EPB41L4B: variants seen among roughly 807,000 people sequenced by gnomAD.
EPB41L4B encodes erythrocyte membrane protein band 4.1 like 4B.
In EPB41L4B, 30 loss-of-function variants were observed where a neutral mutation model predicts 112.5. That is an observed-to-expected ratio of 0.27 (90% CI 0.20 to 0.36). The LOEUF is 0.36. Ranked by LOEUF, EPB41L4B falls within the 10% of genes least tolerant of loss-of-function variation. The pLI, the probability that EPB41L4B is intolerant of heterozygous loss-of-function variation, is 1.00. For missense variants in EPB41L4B, 1,024 were observed against 1,133.3 expected (o/e 0.90, Z 1.38); for synonymous variants, 408 against 439.7 (o/e 0.93, Z 0.90).
At position 109,220,618 on chromosome 9, in the gene EPB41L4B, G is replaced by A. The variant is rs115699660; in HGVS notation, c.1410-3473C>T. Among the ~76,000 whole-genome samples, 404 of 152,302 alleles carry A rather than the reference G, an allele frequency of 2.7e-3. 3 individuals carry two copies. The highest frequency in any genetic ancestry group is 8.8e-3 in the African/African-American group (366 of 41,578). On this transcript the variant is annotated intron_variant, in intron 15 of 25. Transcript: ENST00000374566. ...AGGAGGTGTCATTGAGGACTGTGTT[G>A]CAGATGCAGGAGACAGTCCAGAAGA...
intron 1 of EPB41L4B, among the ~76,000 whole-genome samples, chr9:109,298,858 T>C (rs1355753803): frequency 6.6e-6 from 1 of 152,166 alleles, no homozygotes; most frequent in African/African-American, 2.4e-5. Context: ...GTCCCAGGTA[T>C]TGTCCAAAAG....
Position 109,321,049 on chromosome 9 carries a change from C to A in EPB41L4B, c.-603G>T. The A allele has an allele frequency of 5.4e-6, 1 of 186,204 alleles. No individual in the cohort carries two copies. Among genetic ancestry groups the A allele is most frequent in the Non-Finnish European group, 1.1e-5 (1 of 92,164 alleles). 11.5% of individuals were successfully genotyped at this position (186,204 alleles called of 1,614,324 possible). ...GCCGCCGCCGCTGCCGCCGGGACTG[C>A]AGCACGCCCTCCTCCCTCGGGGCTG... On this transcript the variant is annotated 5_prime_UTR_variant, in exon 1 of 26. Coordinates refer to ENST00000374566, the MANE Select transcript of EPB41L4B (RefSeq NM_019114.5).
chr9:109,201,466 GA>G lies in EPB41L4B; in HGVS notation c.1947-1133del, dbSNP rs1035267642. Among the ~76,000 whole-genome samples, 5 of 143,208 alleles carry G rather than the reference GA, an allele frequency of 3.5e-5. No individual in the cohort carries two copies. The East Asian group carries it at 8.1e-4, about 23-fold the overall frequency. 94.0% of individuals were successfully genotyped at this position (143,208 alleles called of 152,430 possible). On this transcript the variant is annotated intron_variant, in intron 19 of 25. Coordinates refer to ENST00000374566, the MANE Select transcript of EPB41L4B (RefSeq NM_019114.5). ...CCCTGTCTCAAAAAAAAAAAAAAAAGAAAAAAAAAGTATGTTGAATAAACAC... is the reference window on the plus strand; with the variant it reads ...CCCTGTCTCAAAAAAAAAAAAAAAAGAAAAAAAAGTATGTTGAATAAACAC...
intron 18 of EPB41L4B, among the ~76,000 whole-genome samples, chr9:109,206,880 C>T (rs1050144785): frequency 2.6e-5 from 4 of 152,246 alleles, no homozygotes; most frequent in Admixed American, 6.5e-5. Context: ...CCTGCTCCTG[C>T]GAGTCACCCC....
chr9:109,309,654 C>T (rs542341391), intron 1 of EPB41L4B, among the ~76,000 whole-genome samples: 1 of 152,098 alleles, frequency 6.6e-6, no homozygotes, highest in Non-Finnish European at 1.5e-5. Context: ...AATGCCAGCA[C>T]TTTGGGAGGC....
intron 1 of EPB41L4B, among the ~76,000 whole-genome samples, chr9:109,298,159 G>A (rs1466042265): frequency 6.6e-6 from 1 of 152,118 alleles, no homozygotes; most frequent in African/African-American, 2.4e-5. Flanking sequence ...CTTAGGCTTG[G>A]ATTTATACAG....
At chr9:109,262,033 T>C (rs917963045) in intron 6 of EPB41L4B, among the ~76,000 whole-genome samples, 2 of 152,216 alleles carry the variant, frequency 1.3e-5, no homozygotes, top group African/African-American at 4.8e-5. Flanking sequence ...TAGTATTCTC[T>C]TAATTAGTGC....
At chr9:109,207,352 T>G (rs1013732218) in intron 18 of EPB41L4B, among the ~76,000 whole-genome samples, 1 of 152,062 alleles carries the variant, frequency 6.6e-6, no homozygotes, top group Non-Finnish European at 1.5e-5. Flanking sequence ...CGAGGATTGC[T>G]TGAGTCCAGG....
At position 109,182,934 on chromosome 9, in the gene EPB41L4B, C is replaced by A. The variant is rs1231557631; in HGVS notation, c.2419-137G>T. ...AGAGCCTTCATCACTCGTGTAAGGG[C>A]ACATACAAAGGGTCCCTCAGGAGTG... On this transcript the variant is annotated intron_variant, in intron 23 of 25. Transcript: ENST00000374566. 24 of 655,850 alleles carry A rather than the reference C, an allele frequency of 3.7e-5. No individual in the cohort carries two copies. The East Asian group carries it at 6.0e-4, about 16-fold the overall frequency. 40.6% of individuals were successfully genotyped at this position (655,850 alleles called of 1,614,324 possible). A position where few individuals can be genotyped will look rare whatever the true frequency, so the allele number is the denominator to read the frequency against.
intron 1 of EPB41L4B, among the ~76,000 whole-genome samples, chr9:109,286,205 ATGGATGGATGGATGGG>A (rs1381647104): frequency 1.1e-4 from 16 of 148,648 alleles, no homozygotes; most frequent in African/African-American, 4.1e-4. Context: ...GGATGGATGG[ATGGATGGATGGATGGG>A]TGGATGGATG....
intron 15 of EPB41L4B, among the ~76,000 whole-genome samples, chr9:109,233,783 C>T (rs968067102): frequency 1.3e-5 from 2 of 152,128 alleles, no homozygotes; most frequent in African/African-American, 4.8e-5. Context: ...CCACCAACCT[C>T]GGCCTCCCAA....
At chr9:109,320,057 C>A in intron 1 of EPB41L4B, 84 bp downstream of exon 1, 2 of 1,189,518 alleles carry the variant, frequency 1.7e-6, no homozygotes, top group Admixed American at 4.1e-5. Context: ...GCAAGGGAAG[C>A]GCCCCCGATG....
intron 19 of EPB41L4B, 48 bp downstream of exon 19, chr9:109,203,615 G>T: frequency 7.1e-7 from 1 of 1,406,628 alleles, no homozygotes; most frequent in Non-Finnish European, 1.0e-6. Flanking sequence ...GGATAATGTT[G>T]ATGATACAGA....
chr9:109,217,187 C>G, intron 15 of EPB41L4B, 42 bp from the exon 16 acceptor site: 1 of 1,577,632 alleles, frequency 6.3e-7, no homozygotes. Flanking sequence ...AAGCAGAATG[C>G]CTTGCAAGCC....
chr9:109,241,533 CA>C, intron 15 of EPB41L4B: 8 of 1,483,884 alleles, frequency 5.4e-6, no homozygotes, highest in South Asian at 2.9e-5. Flanking sequence ...ACATGGACAC[CA>C]AAAACACCTT....
rs1833045788 is a variant in EPB41L4B, at chr9:109,208,133, A to G, written c.1753-84T>C. The G allele has an allele frequency of 5.2e-6, 8 of 1,532,180 alleles. 1 individual carries two copies. In the South Asian group the frequency reaches 8.3e-5, roughly 16 times the overall value. The allele number at this position is 1,532,180 out of a possible 1,614,324, so 94.9% of individuals were successfully genotyped here. On this transcript the variant is annotated intron_variant, in intron 17 of 25. Coordinates refer to ENST00000374566, the MANE Select transcript of EPB41L4B (RefSeq NM_019114.5). ...AACTTTTCCCAATAATCATAACTGC[A>G]TATAACACAGACCTACATACATAGA...
At chr9:109,241,061 T>C in intron 15 of EPB41L4B, 1 of 985,342 alleles carries the variant, frequency 1.0e-6, no homozygotes, top group African/African-American at 1.7e-5. Context: ...AGTAACTCTG[T>C]CAAGGAAGTG....
intron 2 of EPB41L4B, among the ~76,000 whole-genome samples, chr9:109,269,828 C>A (rs1300481017): frequency 3.9e-5 from 6 of 152,134 alleles, no homozygotes; most frequent in Non-Finnish European, 7.3e-5. Flanking sequence ...AGTCTAATAA[C>A]AAGGAGCGGC....
Position 109,195,441 on chromosome 9 carries a change from G to C in EPB41L4B, c.2046-1044C>G, listed in dbSNP as rs139473206. Among the ~76,000 whole-genome samples the C allele has an allele frequency of 5.6e-3, 847 of 152,272 alleles. 10 individuals are homozygous for C. The highest frequency in any genetic ancestry group is 0.019 in the African/African-American group (799 of 41,544). ...GGAGAAGCCTCAAGGGAAGGACTTA[G>C]GGCTCATTACTAAAAAGGGGGAAAG... On this transcript the variant is annotated intron_variant, in intron 20 of 25. Coordinates refer to ENST00000374566, the MANE Select transcript of EPB41L4B (RefSeq NM_019114.5).
Sources: gnomAD v4.1 joint callset for allele counts (sites outside exome capture counted in the v4.1 genomes callset) on GRCh38, gnomAD v4.1.1 for gene constraint, MANE v1.5 for transcripts, NCBI Gene and HGNC (gene_info 2026-07-23, HGNC 2026-07-21) for gene names.